Variants in IFT88 observed in about 807,000 individuals in gnomAD.
IFT88 encodes intraflagellar transport protein 88 homolog.
IFT88 carries 74 observed loss-of-function variants against 119.5 expected under a neutral mutation model. The ratio of observed to expected loss-of-function variants is 0.62; its 90% CI spans 0.51 to 0.75. The LOEUF is 0.75. IFT88 is among the 30% of genes least tolerant of loss of function. IFT88 has a pLI of 0.00. For synonymous variants in IFT88, 279 were observed against 316.7 expected (o/e 0.88, Z 1.26); for missense variants, 961 against 977.7 (o/e 0.98, Z 0.23).
rs17852822 is a variant in IFT88 at position 20,643,568 on chromosome 13, A to G, written c.1796A>G (p.Glu599Gly). Residue 599 changes from glutamate to glycine, a missense_variant, in exon 19 of 26, where the codon GAA (glutamate) becomes GGA (glycine). Glu to Gly is a moderately conservative substitution (Grantham distance 98, BLOSUM62 -2). Transcript: ENST00000351808. ...LSKLGELYDR[E>G]GDKSQAFQYY... ...AAGCTAGGAGAATTATATGATCGTG[A>G]AGGAGATAAATCTCAAGCATTTCAA... is the stretch of plus-strand genomic sequence containing the variant. The G allele has an allele frequency of 6.2e-7, 1 of 1,609,582 alleles. No homozygotes were observed. Among genetic ancestry groups the G allele is most frequent in the Non-Finnish European group, 8.5e-7 (1 of 1,176,596 alleles).
chr13:20,607,002 C>A (rs1248839667), intron 13 of IFT88, among the ~76,000 whole-genome samples: 1 of 152,200 alleles, frequency 6.6e-6, no homozygotes, highest in Non-Finnish European at 1.5e-5. Flanking sequence ...ATGGGTTTTA[C>A]TGGAGAATTC....
At chr13:20,611,507 C>G (rs1444659813) in intron 13 of IFT88, among the ~76,000 whole-genome samples, 1 of 103,616 alleles carries the variant, frequency 9.7e-6, no homozygotes, top group African/African-American at 3.5e-5. Context: ...AGAGCATGAC[C>G]CAGTCTCAAA....
intron 24 of IFT88, among the ~76,000 whole-genome samples, chr13:20,680,044 C>CT (rs969928336): frequency 1.3e-5 from 2 of 152,210 alleles, no homozygotes; most frequent in African/African-American, 4.8e-5. Flanking sequence ...ACACCTCTGC[C>CT]TGCCTTGCGA....
intron 20 of IFT88, among the ~76,000 whole-genome samples, chr13:20,651,586 C>A (rs1262518897): frequency 6.6e-6 from 1 of 151,662 alleles, no homozygotes; most frequent in East Asian, 1.9e-4. Context: ...CACCTTTATA[C>A]AATGTTTTGC....
intron 15 of IFT88, among the ~76,000 whole-genome samples, chr13:20,627,691 A>G (rs1222327430): frequency 7.5e-6 from 1 of 134,152 alleles, no homozygotes; most frequent in African/African-American, 2.8e-5. Flanking sequence ...AGATCCCACC[A>G]CTGCACTCTG....
chr13:20,592,578 T>C (rs1282684580), intron 7 of IFT88, among the ~76,000 whole-genome samples, 174 bp downstream of exon 7: 1 of 152,154 alleles, frequency 6.6e-6, no homozygotes, highest in Non-Finnish European at 1.5e-5. Flanking sequence ...CAAGCGATTC[T>C]TCTGTCTTAG....
intron 3 of IFT88, among the ~76,000 whole-genome samples, chr13:20,586,938 A>G (rs1300781830): frequency 5.3e-5 from 8 of 151,758 alleles, no homozygotes; most frequent in African/African-American, 1.9e-4. Flanking sequence ...CATTTTCCTT[A>G]TGATTTAGTT....
intron 22 of IFT88, among the ~76,000 whole-genome samples, chr13:20,661,269 G>A (rs2053731147): frequency 6.6e-6 from 1 of 152,140 alleles, no homozygotes; most frequent in South Asian, 2.1e-4. Context: ...GGGTACGGAG[G>A]GTTTTACCAG....
intron 24 of IFT88, among the ~76,000 whole-genome samples, chr13:20,676,358 G>A (rs1441031950): frequency 6.6e-6 from 1 of 152,170 alleles, no homozygotes; most frequent in Non-Finnish European, 1.5e-5. Flanking sequence ...GGAGGAAATG[G>A]GCTCATGTGG....
At chr13:20,606,467 C>T (rs1165726267) in intron 13 of IFT88, among the ~76,000 whole-genome samples, 1 of 152,186 alleles carries the variant, frequency 6.6e-6, no homozygotes, top group Non-Finnish European at 1.5e-5. Context: ...TCCACCTTCA[C>T]CTGGCAGTGG....
chr13:20,679,100 C>G (rs2057027269), intron 24 of IFT88, among the ~76,000 whole-genome samples: 1 of 152,206 alleles, frequency 6.6e-6, no homozygotes, highest in African/African-American at 2.4e-5. Flanking sequence ...TCTCCTAACT[C>G]TTTCCCACTC....
At chr13:20,637,016 A>G (rs1023315686) in intron 16 of IFT88, among the ~76,000 whole-genome samples, 1 of 152,210 alleles carries the variant, frequency 6.6e-6, no homozygotes, top group African/African-American at 2.4e-5. Flanking sequence ...CCTTAAAAAT[A>G]TTATGCTAAG....
Position 20,626,043 on chromosome 13 carries a change from C to CTTTTTTTTTT in IFT88, c.1299+220_1299+229dup, listed in dbSNP as rs528587128. Among the ~76,000 whole-genome samples, 3 of 39,574 alleles carry CTTTTTTTTTT rather than the reference C, an allele frequency of 7.6e-5. 1 individual carries two copies. The highest frequency in any genetic ancestry group is 2.3e-4 in the African/African-American group (2 of 8,582). 26.0% of individuals were successfully genotyped at this position (39,574 alleles called of 152,430 possible). On this transcript the variant is annotated intron_variant, in intron 15 of 25. Coordinates refer to ENST00000351808, the MANE Select transcript of IFT88 (RefSeq NM_006531.5). ...ATTAATTTTTGCCTGTTTGTCGTTT[C>CTTTTTTTTTT]TTTTTTTTTTTTTTTTTTTTTTTTT...
chr13:20,610,083 C>T (rs2044215832), intron 13 of IFT88, among the ~76,000 whole-genome samples: 1 of 149,946 alleles, frequency 6.7e-6, no homozygotes, highest in African/African-American at 2.5e-5. Context: ...GAGGAAGTAA[C>T]ACTGCTTATG....
intron 13 of IFT88, among the ~76,000 whole-genome samples, chr13:20,613,413 T>C (rs1566195131): frequency 1.3e-5 from 2 of 151,842 alleles, no homozygotes; most frequent in African/African-American, 4.8e-5. Context: ...ACTAGTATGC[T>C]ATAATAAAAA....
intron 5 of IFT88, 109 bp downstream of exon 5, chr13:20,591,129 A>G: frequency 1.4e-6 from 1 of 725,582 alleles, no homozygotes; most frequent in Non-Finnish European, 2.3e-6. Flanking sequence ...AGAAGATATT[A>G]CTTATATAGT....
intron 20 of IFT88, among the ~76,000 whole-genome samples, chr13:20,645,185 G>A (rs1045501891): frequency 2.0e-5 from 3 of 152,104 alleles, no homozygotes; most frequent in African/African-American, 7.2e-5. Context: ...CGCCTCCCAG[G>A]TTCAAGCGAT....
chr13:20,582,404 C>A (rs893333759), intron 2 of IFT88, among the ~76,000 whole-genome samples: 1 of 152,074 alleles, frequency 6.6e-6, no homozygotes, highest in African/African-American at 2.4e-5. Context: ...TGTTGAGCCC[C>A]CCCATTTGCT....
At chr13:20,647,338 A>G (rs992589488) in intron 20 of IFT88, among the ~76,000 whole-genome samples, 1 of 152,080 alleles carries the variant, frequency 6.6e-6, no homozygotes, top group African/African-American at 2.4e-5. Context: ...TGTAAGTTCT[A>G]CCTCTACAAT....
Sources: gnomAD v4.1 joint callset for allele counts (sites outside exome capture counted in the v4.1 genomes callset) on GRCh38, gnomAD v4.1.1 for gene constraint, MANE v1.5 for transcripts, NCBI Gene and HGNC (gene_info 2026-07-23, HGNC 2026-07-21) for gene names.